XRN1: variants seen among roughly 807,000 people sequenced by gnomAD.
The protein encoded by XRN1 is strand-exchange protein 1 homolog.
Under a neutral mutation model 222.3 loss-of-function variants are expected in XRN1, and 67 were observed. The ratio of observed to expected loss-of-function variants is 0.30; its 90% CI spans 0.25 to 0.37. The LOEUF (loss-of-function observed/expected upper bound fraction) is 0.37, where lower values mean the gene tolerates loss of function less well. Among genes scored for constraint, XRN1 ranks in the 10% least tolerant of loss-of-function variants. The pLI, the probability that XRN1 is intolerant of heterozygous loss-of-function variation, is 1.00. For synonymous variants in XRN1, 643 were observed against 652.4 expected (o/e 0.99, Z 0.22); for missense variants, 1,707 against 2,000.2 (o/e 0.85, Z 2.80).
Position 142,434,157 on chromosome 3 carries a change from T to C in XRN1, c.76-1264A>G, listed in dbSNP as rs545392490. Among the ~76,000 whole-genome samples, 5 of 152,242 alleles carry C rather than the reference T, an allele frequency of 3.3e-5. No individual in the cohort carries two copies. The South Asian group carries it at 1.0e-3, about 32-fold the overall frequency. On this transcript the variant is annotated intron_variant, in intron 1 of 40. Coordinates refer to ENST00000392981, the MANE Select transcript of XRN1 (RefSeq NM_001282857.2). ...GGGGTATTTTATTTATTTTTATTTT[T>C]ATTTTTTGAGACAGGGTCTCGATCT...
intron 20 of XRN1, among the ~76,000 whole-genome samples, chr3:142,393,099 G>GT (rs1240008930): frequency 8.9e-4 from 135 of 151,072 alleles, no homozygotes; most frequent in African/African-American, 2.7e-3. Flanking sequence ...TTTTTCATGT[G>GT]TTTTTTGGCT....
intron 37 of XRN1, among the ~76,000 whole-genome samples, chr3:142,319,695 T>C (rs1200616864): frequency 6.6e-6 from 1 of 152,140 alleles, no homozygotes; most frequent in African/African-American, 2.4e-5. Flanking sequence ...TTGAAATCTC[T>C]AATGTCTATT....
rs200834989 is a variant in XRN1, at chr3:142,425,510, T to G, written c.435A>C (p.Glu145Asp). 6.2e-7 allele frequency: 1 copy of G among 1,613,198 alleles called. No individual in the cohort carries two copies. The highest frequency in any genetic ancestry group is 2.2e-5 in the East Asian group (1 of 44,822). ...TCATATTTACAAAATACTTCAGATG[T>G]TCATGTAACCTGGCCATAAATTCAG... Reference protein sequence around the residue: ...PGTEFMARLHEHLKYFVNMKI... With the variant: ...PGTEFMARLHDHLKYFVNMKI... The change falls in exon 4 of 41, where the codon GAA (glutamate) becomes GAC (aspartate). Residue 145 changes from glutamate to aspartate, a missense_variant. By Grantham distance (45) the Glu-to-Asp change is conservative. Around this residue, in one of 2 missense-constraint regions of XRN1, gnomAD observed 1,234 missense variants for 1,518.2 expected, o/e 0.81. Transcript: ENST00000392981.
At chr3:142,414,999 A>C (rs2068728927) in intron 13 of XRN1, among the ~76,000 whole-genome samples, 1 of 152,176 alleles carries the variant, frequency 6.6e-6, no homozygotes, top group African/African-American at 2.4e-5. Context: ...TAAGCAAGAG[A>C]CTAAAAACAG....
intron 20 of XRN1, 47 bp from the exon 21 acceptor site, chr3:142,384,732 G>A: frequency 7.3e-7 from 1 of 1,373,626 alleles, no homozygotes; most frequent in Non-Finnish European, 9.9e-7. Context: ...TGAGTATGCA[G>A]ATATTCTAGG....
intron 8 of XRN1, among the ~76,000 whole-genome samples, chr3:142,421,985 A>T (rs948106757): frequency 6.6e-6 from 1 of 152,204 alleles, no homozygotes; most frequent in Non-Finnish European, 1.5e-5. Flanking sequence ...AAAAAAATTG[A>T]ATTTCTATGC....
At chr3:142,439,449 G>A (rs1316531744) in intron 1 of XRN1, among the ~76,000 whole-genome samples, 1 of 152,170 alleles carries the variant, frequency 6.6e-6, no homozygotes, top group Non-Finnish European at 1.5e-5. Context: ...AGGAAAACTA[G>A]GAAGAAGCCT....
chr3:142,311,473 G>A lies in XRN1; in HGVS notation c.*38C>T, dbSNP rs1473991680. On this transcript the variant is annotated 3_prime_UTR_variant, in exon 41 of 41. Coordinates refer to ENST00000392981, the MANE Select transcript of XRN1 (RefSeq NM_001282857.2). ...GATATGTATTTATAAAAAGGTAGAT[G>A]GAAAGAGAAGAAATTAACTTAATTC... 6.7e-7 allele frequency: 1 copy of A among 1,499,254 alleles called. No homozygotes were observed. The highest frequency in any genetic ancestry group is 9.0e-7 in the Non-Finnish European group (1 of 1,112,630). 92.9% of individuals were successfully genotyped at this position (1,499,254 alleles called of 1,614,324 possible).
chr3:142,335,402 G>T (rs1417615532), intron 34 of XRN1, 46 bp downstream of exon 34: 1 of 1,544,184 alleles, frequency 6.5e-7, no homozygotes, highest in Admixed American at 1.7e-5. Flanking sequence ...GCCACCAATT[G>T]CATTAAAAAA....
chr3:142,370,847 T>C lies in XRN1; in HGVS notation c.3069-227A>G, dbSNP rs113006213. Reference sequence around the variant, plus strand: ...ATAAATGAAAGAAAATTTGTTAAGCTCTTAAAGCAAAAATGAAACAATGCA... The same window carrying C: ...ATAAATGAAAGAAAATTTGTTAAGCCCTTAAAGCAAAAATGAAACAATGCA... On this transcript the variant is annotated intron_variant, in intron 26 of 40. Transcript: ENST00000392981. Among the ~76,000 whole-genome samples the C allele has an allele frequency of 5.3e-5, 8 of 151,918 alleles. No individual in the cohort carries two copies. In the East Asian group the frequency reaches 1.5e-3, roughly 29 times the overall value.
rs2065727265 is a variant in XRN1, at chr3:142,332,472, C to T, written c.4125G>A (p.Lys1375=). The change falls in exon 36 of 41, where the codon AAG becomes AAA. Residue 1375 remains lysine, a synonymous_variant. Coordinates refer to ENST00000392981, the MANE Select transcript of XRN1 (RefSeq NM_001282857.2). The part of the protein sequence containing the change: ...KIDGSNTVDH[K]NEIKQIANEI... ...CATTAGCAATCTGTTTGATTTCATT[C>T]TTATGGTCCACAGTGTTAGAGCCAT... 3 of 1,613,380 alleles carry T rather than the reference C, an allele frequency of 1.9e-6. No homozygotes were observed. The highest frequency in any genetic ancestry group is 3.3e-5 in the Admixed American group (2 of 59,974).
chr3:142,336,371 A>G (rs1349199288), intron 33 of XRN1, among the ~76,000 whole-genome samples: 1 of 152,060 alleles, frequency 6.6e-6, no homozygotes, highest in Non-Finnish European at 1.5e-5. Flanking sequence ...ACTTTCTATC[A>G]CTAGACTGTT....
At chr3:142,317,497 G>C (rs1174483705) in intron 39 of XRN1, among the ~76,000 whole-genome samples, 1 of 152,114 alleles carries the variant, frequency 6.6e-6, no homozygotes. Flanking sequence ...TACAATCTGA[G>C]AACAGGATGA....
In XRN1 at chr3:142,410,497, T is replaced by TTG. The variant is rs1559859683; in HGVS notation, c.1713+2046_1713+2047insCA. 6.7e-5 allele frequency among the ~76,000 whole-genome samples: 9 copies of TTG among 133,416 alleles called. No homozygotes were observed. The South Asian group carries it at 2.3e-3, about 33-fold the overall frequency. 87.5% of individuals were successfully genotyped at this position (133,416 alleles called of 152,430 possible). Reference sequence around the variant, plus strand: ...CAGATTCTATCTCATGTTTTTTTTTTTTTTTTTTTTTTTTTGAGATGGAGT... The same window carrying TTG: ...CAGATTCTATCTCATGTTTTTTTTTTTGTTTTTTTTTTTTTTTGAGATGGAGT... On this transcript the variant is annotated intron_variant, in intron 15 of 40. Transcript: ENST00000392981.
intron 15 of XRN1, among the ~76,000 whole-genome samples, chr3:142,411,650 C>A (rs9836038): frequency 0.39 from 58,408 of 151,588 alleles, 11,257 homozygotes; most frequent in Middle Eastern, 0.47. Context: ...TCGTTCAGAT[C>A]AAAATATTTT....
chr3:142,421,511 G>GT lies in XRN1; in HGVS notation c.999dup (p.Pro334ThrfsTer4). On this transcript the variant is annotated frameshift_variant, in exon 9 of 41. Coordinates refer to ENST00000392981, the MANE Select transcript of XRN1 (RefSeq NM_001282857.2). LOFTEE classifies it high-confidence loss of function. ...TTCACAAGGTATTTCTCAAATCGAG[G>GT]TAAGTTGAGGTGCCCACTTTCATTA... 1 of 1,609,910 alleles carries GT rather than the reference G, an allele frequency of 6.2e-7. No individual in the cohort carries two copies. The highest frequency in any genetic ancestry group is 8.5e-7 in the Non-Finnish European group (1 of 1,178,288).
intron 2 of XRN1, among the ~76,000 whole-genome samples, chr3:142,428,128 C>T (rs1223267706): frequency 6.6e-6 from 1 of 152,138 alleles, no homozygotes; most frequent in African/African-American, 2.4e-5. Context: ...TGCGGTGGCT[C>T]ACACCTGTAA....
chr3:142,334,672 T>C (rs1442708381), intron 34 of XRN1, among the ~76,000 whole-genome samples: 1 of 126,002 alleles, frequency 7.9e-6, no homozygotes, highest in African/African-American at 2.8e-5. Context: ...TATATATGTC[T>C]ATGTGTATAT....
chr3:142,362,632 TTTTTC>T (rs1376016745), intron 29 of XRN1, among the ~76,000 whole-genome samples: 2 of 134,560 alleles, frequency 1.5e-5, no homozygotes, highest in South Asian at 2.7e-4. Context: ...GGCCTTTTTC[TTTTTC>T]TTTTCTTTTT....
Sources: allele counts gnomAD v4.1 joint callset (sites outside exome capture counted in the v4.1 genomes callset), GRCh38; gene constraint gnomAD v4.1.1; regional missense constraint gnomAD v4.1.1; transcripts MANE v1.5; gene names NCBI Gene and HGNC (gene_info 2026-07-23, HGNC 2026-07-21).